Variants in ARK2N observed in about 807,000 individuals in gnomAD.
ARK2N encodes the protein arkadia (RNF111) N-terminal like PKA signaling regulator 2N, also known as protein ARK2N.
At chr18:46,245,243 C>G in the ARK2N span, among the ~76,000 whole-genome samples, 3 of 152,046 alleles carry the variant, frequency 2.0e-5, no homozygotes, top group African/African-American at 4.8e-5. Flanking sequence ...TCTTCCTTCA[C>G]TTTTTAAGGT....
the ARK2N span, chr18:46,216,846 G>A: frequency 2.4e-6 from 1 of 416,388 alleles, no homozygotes; most frequent in East Asian, 4.3e-5. This position sits in a 1 kb window ranked among gnomAD's most constrained non-coding sequence, Gnocchi z 4.3. Context: ...TTAAGTAATG[G>A]AATTTCTCAT....
the ARK2N span, among the ~76,000 whole-genome samples, chr18:46,184,774 G>A: frequency 6.6e-6 from 1 of 152,162 alleles, no homozygotes; most frequent in African/African-American, 2.4e-5. Context: ...TATTATGAAT[G>A]CAATGGAGTC....
At chr18:46,214,669 C>T in the ARK2N span, among the ~76,000 whole-genome samples, 1 of 152,200 alleles carries the variant, frequency 6.6e-6, no homozygotes. Context: ...GTATCACTCA[C>T]AGTGGTGGTA....
chr18:46,225,168 AGT>A, the ARK2N span, among the ~76,000 whole-genome samples: 1 of 152,240 alleles, frequency 6.6e-6, no homozygotes, highest in Non-Finnish European at 1.5e-5. Flanking sequence ...AGATGCAACT[AGT>A]TGGCCAAAGA....
the ARK2N span, among the ~76,000 whole-genome samples, chr18:46,237,709 T>TA: frequency 2.0e-5 from 3 of 152,190 alleles, no homozygotes; most frequent in Non-Finnish European, 4.4e-5. Flanking sequence ...AAACAAATCT[T>TA]ACTTAATTTT....
At chr18:46,248,401 A>T in the ARK2N span, among the ~76,000 whole-genome samples, 14 of 152,162 alleles carry the variant, frequency 9.2e-5, no homozygotes, top group Non-Finnish European at 1.8e-4. Context: ...GCAAAGGAAG[A>T]CAACAGAGTT....
At chr18:46,265,917 CTT>C in the ARK2N span, 65,026 of 152,276 alleles carry the variant, frequency 0.43, 15,811 homozygotes, top group Middle Eastern at 0.56. Context: ...ATGCCACTGA[CTT>C]GGTTAAGTTT....
At chr18:46,258,251 A>G in the ARK2N span, among the ~76,000 whole-genome samples, 113 of 152,308 alleles carry the variant, frequency 7.4e-4, no homozygotes, top group African/African-American at 2.3e-3. Context: ...ACTCCAAAAA[A>G]AACTAGTGAT....
the ARK2N span, chr18:46,253,927 G>T: frequency 7.7e-7 from 1 of 1,305,442 alleles, no homozygotes; most frequent in Admixed American, 2.4e-5. Flanking sequence ...TAGCTGGCAT[G>T]AATGAATGAT....
At chr18:46,221,377 C>T in the ARK2N span, among the ~76,000 whole-genome samples, 18 of 148,980 alleles carry the variant, frequency 1.2e-4, no homozygotes, top group African/African-American at 2.0e-4. Flanking sequence ...GAAACCCCAT[C>T]TCTACTAAAA....
the ARK2N span, among the ~76,000 whole-genome samples, chr18:46,193,450 C>T: frequency 1.3e-5 from 2 of 151,736 alleles, no homozygotes; most frequent in East Asian, 1.9e-4. Context: ...TCAGCATGCT[C>T]AGCTAATTTT....
chr18:46,212,601 T>C, the ARK2N span, among the ~76,000 whole-genome samples: 1 of 152,306 alleles, frequency 6.6e-6, no homozygotes, highest in South Asian at 2.1e-4. Context: ...TACTAGTCTT[T>C]TGTGATTGAT....
At chr18:46,222,611 G>T in the ARK2N span, among the ~76,000 whole-genome samples, 1 of 152,138 alleles carries the variant, frequency 6.6e-6, no homozygotes, top group African/African-American at 2.4e-5. Flanking sequence ...AAAGGAAAAG[G>T]TCTTTTTCTC....
At chr18:46,260,351 A>G in the ARK2N span, among the ~76,000 whole-genome samples, 1 of 152,236 alleles carries the variant, frequency 6.6e-6, no homozygotes, top group African/African-American at 2.4e-5. Context: ...AATTAGAGTT[A>G]GGAAAGCTTT....
the ARK2N span, among the ~76,000 whole-genome samples, chr18:46,223,458 A>G: frequency 6.6e-6 from 1 of 152,204 alleles, no homozygotes; most frequent in Non-Finnish European, 1.5e-5. Context: ...CCTTTTAGGC[A>G]TTGAAAATAG....
the ARK2N span, chr18:46,262,993 C>T: frequency 1.2e-6 from 2 of 1,614,038 alleles, no homozygotes; most frequent in Non-Finnish European, 1.7e-6. Context: ...CTCGGGCACG[C>T]AGTATGTTAG....
the ARK2N span, among the ~76,000 whole-genome samples, chr18:46,255,445 C>CTTTTT: frequency 1.0e-3 from 79 of 77,718 alleles, 1 homozygote; most frequent in African/African-American, 4.3e-3. Flanking sequence ...CTTTTCTTTT[C>CTTTTT]TTTTTTTTTT....
At chr18:46,176,912 G>A in the ARK2N span, among the ~76,000 whole-genome samples, 2 of 152,062 alleles carry the variant, frequency 1.3e-5, no homozygotes, top group African/African-American at 4.8e-5. Context: ...CACCACGGCT[G>A]GCTAATTTTT....
the ARK2N span, chr18:46,263,144 A>G: frequency 6.4e-7 from 1 of 1,562,898 alleles, no homozygotes. Context: ...TTTCCTCTGC[A>G]CTGTTCCCTT....
Sources: allele counts gnomAD v4.1 joint callset (sites outside exome capture counted in the v4.1 genomes callset), GRCh38; gene constraint gnomAD v4.1.1; non-coding constraint Gnocchi (gnomAD v3.1); transcripts MANE v1.5; gene names NCBI Gene and HGNC (gene_info 2026-07-23, HGNC 2026-07-21).